Variants in AHDC1 observed in about 807,000 individuals in gnomAD.
AHDC1 encodes the protein transcription factor Gibbin.
Under a neutral mutation model 87.9 loss-of-function variants are expected in AHDC1, and 7 were observed. The observed-to-expected ratio is 0.08, with a 90% CI of 0.05 to 0.15. The LOEUF (loss-of-function observed/expected upper bound fraction) is 0.15, where lower values mean the gene tolerates loss of function less well. Ranked by LOEUF, AHDC1 falls within the 10% of genes least tolerant of loss-of-function variation. The pLI, the probability that AHDC1 is intolerant of heterozygous loss-of-function variation, is 1.00. For missense variants in AHDC1, 1,841 were observed against 2,253.2 expected (o/e 0.82, Z 3.70); for synonymous variants, 1,051 against 1,006.8 (o/e 1.04, Z -0.83).
chr1:27,592,495 C>T (rs919027091), intron 3 of AHDC1, among the ~76,000 whole-genome samples: 9 of 152,316 alleles, frequency 5.9e-5, no homozygotes, highest in Middle Eastern at 6.8e-3. Flanking sequence ...CCTGTGGGAC[C>T]CCCACTTCAG....
intron 3 of AHDC1, among the ~76,000 whole-genome samples, chr1:27,597,898 T>C (rs1257047064): frequency 1.3e-5 from 2 of 152,160 alleles, no homozygotes; most frequent in African/African-American, 4.8e-5. Flanking sequence ...AGTCTCTGTC[T>C]TCCATTTTTC....
intron 8 of AHDC1, among the ~76,000 whole-genome samples, chr1:27,541,445 C>G (rs1308561926): frequency 6.6e-6 from 1 of 150,934 alleles, no homozygotes; most frequent in African/African-American, 2.4e-5. Context: ...CAGCCTCCCA[C>G]GTAGCTGGGA....
At chr1:27,602,735 G>C (rs564827406) in intron 3 of AHDC1, among the ~76,000 whole-genome samples, 1 of 152,242 alleles carries the variant, frequency 6.6e-6, no homozygotes, top group East Asian at 1.9e-4. Context: ...ATGCAAAAGT[G>C]AGCCGACTTT....
rs537746957 is a variant in AHDC1, at chr1:27,552,360, C to G, written c.-74-171G>C. ...TTGCTGACTCCCAGCCTTTCTCAAA[C>G]CACCATGTGTATAGTGAGCCCCTCA... is the stretch of plus-strand genomic sequence containing the variant. On this transcript the variant is annotated intron_variant, in intron 7 of 8. Transcript: ENST00000673934. 49 of 518,196 alleles carry G rather than the reference C, an allele frequency of 9.5e-5. 1 individual carries two copies. The highest frequency in any genetic ancestry group is 8.3e-4 in the African/African-American group (41 of 49,272). The allele number at this position is 518,196 out of a possible 1,614,324, so 32.1% of individuals were successfully genotyped here.
intron 3 of AHDC1, among the ~76,000 whole-genome samples, chr1:27,587,639 G>T (rs2089097825): frequency 6.6e-6 from 1 of 152,140 alleles, no homozygotes; most frequent in Non-Finnish European, 1.5e-5. Context: ...GCTTTCTGTA[G>T]ACTAAGAAAA....
intron 3 of AHDC1, among the ~76,000 whole-genome samples, chr1:27,577,794 A>G (rs2088799120): frequency 6.6e-6 from 1 of 152,154 alleles, no homozygotes; most frequent in Non-Finnish European, 1.5e-5. Context: ...GCCAGGCCAG[A>G]CAAGACTGAG....
At chr1:27,553,592 T>C (rs1423038003) in intron 5 of AHDC1, 2 of 152,166 alleles carry the variant, frequency 1.3e-5, no homozygotes, top group African/African-American at 4.8e-5. Flanking sequence ...TTTATATAGA[T>C]TATCTCATCA....
chr1:27,550,432 T>G lies in AHDC1; in HGVS notation c.1684A>C (p.Lys562Gln). Reference sequence around the variant, plus strand: ...TCGGCCGCCACCACAGCTGGCTCCTTGGGCTTGCCGGGACCCAGCAGCAGG... The same window carrying G: ...TCGGCCGCCACCACAGCTGGCTCCTGGGGCTTGCCGGGACCCAGCAGCAGG... Reference protein sequence around the residue: ...KNLLLGPGKPKEPAVVAAEAA... With the variant: ...KNLLLGPGKPQEPAVVAAEAA... Residue 562 changes from lysine to glutamine, a missense_variant, in exon 8 of 9, where the codon AAG (lysine) becomes CAG (glutamine). Physicochemically the swap from Lys to Gln is moderately conservative, Grantham distance 53. This residue lies in a region of AHDC1 where 84 missense variants were observed against 111.7 expected (regional missense o/e 0.75). Transcript: ENST00000673934. 6.2e-7 allele frequency: 1 copy of G among 1,610,334 alleles called. No homozygotes were observed. Among genetic ancestry groups the G allele is most frequent in the Non-Finnish European group, 8.5e-7 (1 of 1,177,326 alleles).
chr1:27,602,785 C>T (rs1335344976), intron 3 of AHDC1, among the ~76,000 whole-genome samples: 1 of 152,166 alleles, frequency 6.6e-6, no homozygotes, highest in Non-Finnish European at 1.5e-5. Context: ...ACCCCTCCAG[C>T]CCTAGCCGCC....
rs747832311 is a variant in AHDC1, at chr1:27,547,971, G to A, written c.4145C>T (p.Pro1382Leu). 59 of 1,602,062 alleles carry A rather than the reference G, an allele frequency of 3.7e-5. No individual in the cohort carries two copies. Among genetic ancestry groups the A allele is most frequent in the Admixed American group, 1.2e-4 (7 of 59,692 alleles). ...AAACACCGTGGGTGGGTGGGCCAGC[G>A]GTGGGAAATGCTTGCCATCAAGCTC... is the stretch of plus-strand genomic sequence containing the variant. ...APELDGKHFPPLAHPPTVFDA... is the reference protein window; with the variant it reads ...APELDGKHFPLLAHPPTVFDA... The change falls in exon 8 of 9, where the codon CCG (proline) becomes CTG (leucine). Residue 1382 changes from proline (P) to leucine (L), a missense_variant. Coordinates refer to ENST00000673934, the MANE Select transcript of AHDC1 (RefSeq NM_001371928.1). The surrounding 1 kb of genome is among the most constrained non-coding windows in gnomAD (Gnocchi z 4.9).
In AHDC1 at chr1:27,550,999, G is replaced by A. The variant is rs1317708197; in HGVS notation, c.1117C>T (p.Pro373Ser). 3.8e-6 allele frequency: 6 copies of A among 1,574,628 alleles called. No individual in the cohort carries two copies. The African/African-American group carries it at 5.4e-5, about 14-fold the overall frequency. ...LRLDLCSPHG[P>S]PGPEGHPKYA... is the part of the protein sequence containing the mutation. ...TTGGGGTGACCCTCAGGCCCGGGGG[G>A]GCCGTGCGGTGAGCACAAGTCCAGG... The change falls in exon 8 of 9, where the codon CCC becomes TCC. Residue 373 changes from proline to serine, a missense_variant. Physicochemically the swap from Pro to Ser is moderately conservative, Grantham distance 74. Around this residue, in one of 13 missense-constraint regions of AHDC1, gnomAD observed 370 missense variants for 391.5 expected, o/e 0.95. Transcript: ENST00000673934.
At chr1:27,596,809 A>G (rs2089386569) in intron 3 of AHDC1, among the ~76,000 whole-genome samples, 1 of 151,976 alleles carries the variant, frequency 6.6e-6, no homozygotes, top group African/African-American at 2.4e-5. Flanking sequence ...CACCTATCAC[A>G]TAAACGTGCA....
At chr1:27,592,978 C>T (rs1213052951) in intron 3 of AHDC1, among the ~76,000 whole-genome samples, 1 of 152,156 alleles carries the variant, frequency 6.6e-6, no homozygotes, top group Non-Finnish European at 1.5e-5. Flanking sequence ...GCTGGAGGTT[C>T]CATACTGGGT....
rs1010818637 is a variant in AHDC1, at chr1:27,593,023, C to T, written c.-629+10374G>A. Among the ~76,000 whole-genome samples the T allele has an allele frequency of 6.6e-6, 1 of 152,140 alleles. No homozygotes were observed. Among genetic ancestry groups the T allele is most frequent in the African/African-American group, 2.4e-5 (1 of 41,416 alleles). The stretch of plus-strand genomic sequence containing the variant: ...TGACCAGGGGCAGAGTTGGCCCCAC[C>T]TCCGAGCTGCATTATTTATAAAACC... On this transcript the variant is annotated intron_variant, in intron 3 of 8. Coordinates refer to ENST00000673934, the MANE Select transcript of AHDC1 (RefSeq NM_001371928.1). This position sits in a 1 kb window ranked among gnomAD's most constrained non-coding sequence, Gnocchi z 4.9.
At chr1:27,588,337 G>T (rs1033259614) in intron 3 of AHDC1, among the ~76,000 whole-genome samples, 4 of 151,118 alleles carry the variant, frequency 2.6e-5, no homozygotes, top group Non-Finnish European at 4.4e-5. Context: ...CTGAGAGCCT[G>T]TGAGGGAAGG....
rs1260908407 is a variant in AHDC1 at position 27,565,765 on chromosome 1, AGGCCTGTTCTCTAGAGAGCTTCTTGG to A, written c.-628-6908_-628-6883del. Among the ~76,000 whole-genome samples, 1 of 152,228 alleles carries A rather than the reference AGGCCTGTTCTCTAGAGAGCTTCTTGG, an allele frequency of 6.6e-6. No individual in the cohort carries two copies. The highest frequency in any genetic ancestry group is 6.5e-5 in the Admixed American group (1 of 15,292). On this transcript the variant is annotated intron_variant, in intron 3 of 8. Transcript: ENST00000673934. The surrounding 1 kb of genome is among the most constrained non-coding windows in gnomAD (Gnocchi z 4.6). ...AAGGGACAAATCCCAAGAATCAGTGAGGCCTGTTCTCTAGAGAGCTTCTTGGGCCAGTTTAGCTCCTGGAACTATCT... is the reference window on the plus strand; with the variant it reads ...AAGGGACAAATCCCAAGAATCAGTGAGCCAGTTTAGCTCCTGGAACTATCT...
chr1:27,549,169 G>A lies in AHDC1; in HGVS notation c.2947C>T (p.Pro983Ser). The A allele has an allele frequency of 6.4e-7, 1 of 1,574,002 alleles. No individual in the cohort carries two copies. Among genetic ancestry groups the A allele is most frequent in the Non-Finnish European group, 8.6e-7 (1 of 1,159,026 alleles). The change falls in exon 8 of 9, where the codon CCA becomes TCA. Residue 983 changes from proline to serine, a missense_variant. Around this residue, in one of 13 missense-constraint regions of AHDC1, gnomAD observed 378 missense variants for 399.0 expected, o/e 0.95. Transcript: ENST00000673934. ...GYGAGQSVFAPTKPFTGQDCA... is the reference protein window; with the variant it reads ...GYGAGQSVFASTKPFTGQDCA... The stretch of plus-strand genomic sequence containing the variant: ...TCCTGGCCTGTAAAGGGCTTAGTTG[G>A]GGCGAATACGCTTTGTCCGGCCCCA...
At chr1:27,577,793 G>A (rs930571838) in intron 3 of AHDC1, among the ~76,000 whole-genome samples, 2 of 152,196 alleles carry the variant, frequency 1.3e-5, no homozygotes, top group East Asian at 3.8e-4. Context: ...TGCCAGGCCA[G>A]ACAAGACTGA....
Position 27,563,073 on chromosome 1 carries a change from C to G in AHDC1, c.-628-4190G>C, listed in dbSNP as rs1295009275. ...TGACACGCAACCAGGCACCCCCACA[C>G]CCACTAATGCACAGAGAACCTGTTA... On this transcript the variant is annotated intron_variant, in intron 3 of 8. Coordinates refer to ENST00000673934, the MANE Select transcript of AHDC1 (RefSeq NM_001371928.1). The surrounding 1 kb of genome is among the most constrained non-coding windows in gnomAD (Gnocchi z 6.1). Among the ~76,000 whole-genome samples, 1 of 152,178 alleles carries G rather than the reference C, an allele frequency of 6.6e-6. No homozygotes were observed. The highest frequency in any genetic ancestry group is 1.9e-4 in the East Asian group (1 of 5,198).
Sources: allele counts gnomAD v4.1 joint callset (sites outside exome capture counted in the v4.1 genomes callset), GRCh38; gene constraint gnomAD v4.1.1; regional missense constraint gnomAD v4.1.1; non-coding constraint Gnocchi (gnomAD v3.1); transcripts MANE v1.5; gene names NCBI Gene and HGNC (gene_info 2026-07-23, HGNC 2026-07-21).